Variants in ABCC4 observed in about 807,000 individuals in gnomAD.
The protein encoded by ABCC4 is ATP-binding cassette sub-family C member 4.
In ABCC4, 102 loss-of-function variants were observed where a neutral mutation model predicts 168.5. The observed-to-expected ratio is 0.61, with a 90% CI of 0.52 to 0.71. The LOEUF (loss-of-function observed/expected upper bound fraction) is 0.71, where lower values mean the gene tolerates loss of function less well. Among genes scored for constraint, ABCC4 ranks in the 30% least tolerant of loss-of-function variants. The pLI is 0.00. For synonymous variants in ABCC4, 617 were observed against 590.7 expected, an observed-to-expected ratio of 1.04 and a Z score of -0.65; for missense variants, 1,402 against 1,605.8, an observed-to-expected ratio of 0.87 and a Z score of 2.17.
intron 27 of ABCC4, 117 bp from the exon 28 acceptor site, chr13:95,044,555 C>A: frequency 1.2e-6 from 1 of 827,398 alleles, no homozygotes; most frequent in Non-Finnish European, 1.8e-6. Context: ...CTTAAGTGGA[C>A]ACACACATGA....
chr13:95,225,805 C>CT (rs2039447675), intron 4 of ABCC4, among the ~76,000 whole-genome samples: 2 of 150,518 alleles, frequency 1.3e-5, no homozygotes, highest in Admixed American at 6.6e-5. Flanking sequence ...AACAAATGAT[C>CT]TTTAAGACCT....
intron 1 of ABCC4, among the ~76,000 whole-genome samples, chr13:95,282,155 TCC>T (rs1016074663): frequency 2.4e-5 from 3 of 125,228 alleles, no homozygotes; most frequent in African/African-American, 8.8e-5. Context: ...AAAAAAAAAA[TCC>T]CCGTCTTCAA....
At chr13:95,187,965 G>A (rs1277306737) in intron 10 of ABCC4, among the ~76,000 whole-genome samples, 1 of 152,146 alleles carries the variant, frequency 6.6e-6, no homozygotes, top group Non-Finnish European at 1.5e-5. Flanking sequence ...TGGCGTCTGG[G>A]TCTTGATTAC....
intron 11 of ABCC4, among the ~76,000 whole-genome samples, chr13:95,183,869 A>G (rs1025064283): frequency 1.4e-4 from 22 of 152,250 alleles, no homozygotes; most frequent in African/African-American, 2.6e-4. Context: ...AGGCGAGATT[A>G]CACCATTAGA....
rs1171184262 is a variant in ABCC4 at position 95,170,615 on chromosome 13, T to C, written c.1741A>G (p.Ile581Val). The C allele has an allele frequency of 6.2e-7, 1 of 1,610,466 alleles. No homozygotes were observed. Among genetic ancestry groups the C allele is most frequent in the Non-Finnish European group, 8.5e-7 (1 of 1,178,516 alleles). Residue 581 changes from isoleucine (I) to valine (V), a missense_variant, in exon 14 of 31, where the codon ATT becomes GTT. Physicochemically the swap from Ile to Val is conservative, Grantham distance 29 (BLOSUM62 3). This residue lies in a region of ABCC4 where 1,007 missense variants were observed against 1,127.3 expected (regional missense o/e 0.89). Coordinates refer to ENST00000645237, the MANE Select transcript of ABCC4 (RefSeq NM_005845.5). ...RHLFELCICQ[I>V]LHEKITILVT... ...AAAATTGTGATCTTCTCATGCAAAA[T>C]TTGACAAATACACCTATAAATGTAA...
intron 2 of ABCC4, 47 bp from the exon 3 acceptor site, chr13:95,247,142 A>G (rs2040127741): frequency 2.5e-6 from 4 of 1,584,892 alleles, no homozygotes; most frequent in Non-Finnish European, 2.6e-6. Context: ...CCCTGCCACA[A>G]TATAAAACAG....
At chr13:95,246,943 A>G (rs1278983034) in intron 3 of ABCC4, 32 bp downstream of exon 3, 1 of 1,606,320 alleles carries the variant, frequency 6.2e-7, no homozygotes, top group East Asian at 2.2e-5. Flanking sequence ...ATGTGTCCTG[A>G]AAAACAATTC....
In ABCC4 at chr13:95,293,442, C is replaced by T. The variant is rs143289642; in HGVS notation, c.74+7799G>A. Among the ~76,000 whole-genome samples the T allele has an allele frequency of 8.4e-3, 1,280 of 152,186 alleles. 21 individuals are homozygous for T. The highest frequency in any genetic ancestry group is 0.029 in the African/African-American group (1,222 of 41,546). ...ACACCCAACACGGGTTCAGGATGAA[C>T]TCCTGCAGCAGCGACTGCTGGACAC... On this transcript the variant is annotated intron_variant, in intron 1 of 30. Transcript: ENST00000645237.
intron 26 of ABCC4, among the ~76,000 whole-genome samples, chr13:95,060,373 G>A (rs2139282246): frequency 6.6e-6 from 1 of 152,346 alleles, no homozygotes; most frequent in East Asian, 1.9e-4. Context: ...TACTGGCAGA[G>A]CCAAGAATCA....
intron 19 of ABCC4, among the ~76,000 whole-genome samples, chr13:95,141,287 G>A (rs1000690789): frequency 1.3e-5 from 2 of 152,182 alleles, no homozygotes; most frequent in African/African-American, 2.4e-5. Context: ...TAATCAAAAC[G>A]TTAAATGTTC....
intron 19 of ABCC4, among the ~76,000 whole-genome samples, chr13:95,132,951 G>A (rs969253207): frequency 5.3e-5 from 8 of 152,046 alleles, no homozygotes; most frequent in African/African-American, 1.9e-4. Context: ...ATGGGTCCTG[G>A]GTTTCAGTTT....
In ABCC4 at chr13:95,210,732, A is replaced by G. The variant is rs1594305355; in HGVS notation, c.581T>C (p.Ile194Thr). 2 of 1,614,240 alleles carry G rather than the reference A, an allele frequency of 1.2e-6. No individual in the cohort carries two copies. The highest frequency in any genetic ancestry group is 8.5e-7 in the Non-Finnish European group (1 of 1,180,036). ...MAMGKTTTGQ[I>T]VNLLSNDVNK... is the part of the protein sequence containing the mutation. The stretch of plus-strand genomic sequence containing the variant: ...CACATCATTGGACAGCAGATTGACT[A>G]TCTGGCCTGTGGTTGTCTTCCCCAT... The change falls in exon 5 of 31, where the codon ATA becomes ACA. Residue 194 changes from isoleucine (I) to threonine (T), a missense_variant. Physicochemically the swap from Ile to Thr is moderately conservative, Grantham distance 89. Coordinates refer to ENST00000645237, the MANE Select transcript of ABCC4 (RefSeq NM_005845.5).
intron 30 of ABCC4, among the ~76,000 whole-genome samples, chr13:95,028,117 T>C (rs967193787): frequency 1.3e-5 from 2 of 152,182 alleles, no homozygotes; most frequent in Non-Finnish European, 2.9e-5. Flanking sequence ...ACCCAAGTTA[T>C]GAACATCTGT....
At chr13:95,290,722 A>G (rs2041378004) in intron 1 of ABCC4, among the ~76,000 whole-genome samples, 1 of 150,778 alleles carries the variant, frequency 6.6e-6, no homozygotes, top group African/African-American at 2.4e-5. Flanking sequence ...AAAAAAAAAA[A>G]AAAAAAAAAG....
chr13:95,280,240 A>AC (rs2041082677), intron 1 of ABCC4, among the ~76,000 whole-genome samples: 1 of 151,936 alleles, frequency 6.6e-6, no homozygotes, highest in Non-Finnish European at 1.5e-5. Context: ...ACATAGTGAA[A>AC]CCCCATCTCT....
chr13:95,144,224 C>T (rs2036412037), intron 19 of ABCC4, among the ~76,000 whole-genome samples: 1 of 109,606 alleles, frequency 9.1e-6, no homozygotes, highest in African/African-American at 4.1e-5. Context: ...GTAACTTAAC[C>T]CTTATCTGAG....
intron 8 of ABCC4, among the ~76,000 whole-genome samples, chr13:95,200,259 G>C (rs1240842240): frequency 6.6e-6 from 1 of 152,186 alleles, no homozygotes; most frequent in Admixed American, 6.5e-5. Flanking sequence ...GCCTAGCATA[G>C]ACCAAAACAG....
intron 1 of ABCC4, among the ~76,000 whole-genome samples, chr13:95,269,849 G>C (rs1285925984): frequency 2.0e-5 from 3 of 152,026 alleles, no homozygotes; most frequent in Admixed American, 1.3e-4. Flanking sequence ...GAAAAGAAAA[G>C]AATAGAGAAA....
chr13:95,254,747 T>C (rs977669340), intron 1 of ABCC4, among the ~76,000 whole-genome samples: 4 of 152,228 alleles, frequency 2.6e-5, no homozygotes, highest in Non-Finnish European at 4.4e-5. Flanking sequence ...CCTCTGCCCC[T>C]GCCCAAGCTT....
Sources: gnomAD v4.1 joint callset for allele counts (sites outside exome capture counted in the v4.1 genomes callset) on GRCh38, gnomAD v4.1.1 for gene constraint, gnomAD v4.1.1 regional missense constraint, MANE v1.5 for transcripts, NCBI Gene and HGNC (gene_info 2026-07-23, HGNC 2026-07-21) for gene names.